Variants in AGTPBP1 observed in about 807,000 individuals in gnomAD.
The protein encoded by AGTPBP1 is ATP/GTP binding carboxypeptidase 1, also known as cytosolic carboxypeptidase 1.
In AGTPBP1, 70 loss-of-function variants were observed where a neutral mutation model predicts 143.9. That is an observed-to-expected ratio of 0.49 (90% CI 0.40 to 0.59). The LOEUF (loss-of-function observed/expected upper bound fraction) is 0.59, where lower values mean the gene tolerates loss of function less well. Ranked by LOEUF, AGTPBP1 falls within the 20% of genes least tolerant of loss-of-function variation. The probability of loss-of-function intolerance (pLI) is 0.00; values close to 1 mark genes in which losing one functional copy is unlikely to be tolerated. For missense variants in AGTPBP1, 1,229 were observed against 1,464.5 expected (o/e 0.84, Z 2.62); for synonymous variants, 463 against 500.2 (o/e 0.93, Z 0.99).
intron 6 of AGTPBP1, among the ~76,000 whole-genome samples, chr9:85,674,874 T>C (rs1248706911): frequency 1.3e-5 from 2 of 152,164 alleles, no homozygotes; most frequent in African/African-American, 2.4e-5. Flanking sequence ...AAAACTCACA[T>C]GTATGCCACA....
chr9:85,592,935 T>C (rs915905135), intron 18 of AGTPBP1, among the ~76,000 whole-genome samples: 2 of 152,196 alleles, frequency 1.3e-5, no homozygotes, highest in Non-Finnish European at 2.9e-5. Context: ...AATGAGCTAA[T>C]ACTCTTCACG....
At chr9:85,610,645 C>CA (rs796771409) in intron 17 of AGTPBP1, among the ~76,000 whole-genome samples, 45 of 148,720 alleles carry the variant, frequency 3.0e-4, no homozygotes, top group South Asian at 1.9e-3. Flanking sequence ...ACGCCCCAAT[C>CA]AAAAAAAAAA....
chr9:85,634,689 T>C (rs1831919916), intron 13 of AGTPBP1, among the ~76,000 whole-genome samples: 1 of 152,190 alleles, frequency 6.6e-6, no homozygotes, highest in East Asian at 1.9e-4. Context: ...AGGTGTATAT[T>C]GAAGTCATTT....
intron 14 of AGTPBP1, among the ~76,000 whole-genome samples, chr9:85,624,822 T>A (rs1472933362): frequency 1.3e-5 from 2 of 152,240 alleles, no homozygotes; most frequent in East Asian, 3.8e-4. Flanking sequence ...TTTATTACTT[T>A]TCTTCCAGAT....
At chr9:85,693,835 A>T (rs1219982280) in intron 2 of AGTPBP1, among the ~76,000 whole-genome samples, 1 of 152,168 alleles carries the variant, frequency 6.6e-6, no homozygotes, top group Non-Finnish European at 1.5e-5. Context: ...CAGCATGGTC[A>T]GAGAAGACCA....
chr9:85,786,638 T>C, the AGTPBP1 span: 1 of 1,454,556 alleles, frequency 6.9e-7, no homozygotes, highest in Non-Finnish European at 9.2e-7. Flanking sequence ...TCTAACCTGT[T>C]AAAAACTAAA....
chr9:85,583,588 A>C (rs896509988), intron 23 of AGTPBP1, among the ~76,000 whole-genome samples: 3 of 152,170 alleles, frequency 2.0e-5, no homozygotes, highest in Non-Finnish European at 4.4e-5. Flanking sequence ...AATTCAAAAA[A>C]TTAATCAAAT....
intron 11 of AGTPBP1, 129 bp from the exon 12 acceptor site, chr9:85,646,547 AACAT>A: frequency 1.5e-6 from 1 of 685,036 alleles, no homozygotes; most frequent in Non-Finnish European, 2.5e-6. Flanking sequence ...TTTCTTATTT[AACAT>A]CTCTCTAAGG....
chr9:85,573,777 G>C, intron 25 of AGTPBP1, among the ~76,000 whole-genome samples: 1 of 151,294 alleles, frequency 6.6e-6, no homozygotes, highest in South Asian at 2.1e-4. Context: ...GATGTGAGGA[G>C]CGCCTCTGCC....
intron 2 of AGTPBP1, among the ~76,000 whole-genome samples, chr9:85,706,193 A>G (rs545097990): frequency 6.6e-6 from 1 of 152,142 alleles, no homozygotes; most frequent in African/African-American, 2.4e-5. Flanking sequence ...AAAAGGAGGA[A>G]GAAGAGAATA....
intron 24 of AGTPBP1, among the ~76,000 whole-genome samples, chr9:85,575,875 T>C (rs1320121787): frequency 6.6e-6 from 1 of 152,186 alleles, no homozygotes; most frequent in African/African-American, 2.4e-5. Context: ...AGTATTAAAA[T>C]CAAGGCTCCA....
chr9:85,585,567 G>A lies in AGTPBP1; in HGVS notation c.3061C>T (p.Arg1021Ter). 1.2e-6 allele frequency: 2 copies of A among 1,605,580 alleles called. No individual in the cohort carries two copies. Among genetic ancestry groups the A allele is most frequent in the Non-Finnish European group, 1.7e-6 (2 of 1,176,066 alleles). The change falls in exon 23 of 26, where the codon CGA (arginine) becomes TGA (stop). Residue 1021 changes from arginine to a stop codon, truncating the protein, a stop_gained. Transcript: ENST00000357081. LOFTEE classifies it high-confidence loss of function. ...LVYCDYHGHSRKKNVFMYGCS... is the reference protein window; with the variant it reads ...LVYCDYHGHS ...CCATACATAAATACATTCTTCTTTC[G>A]GGAATGGCCATGATAATCACAATAA...
chr9:85,656,734 T>C (rs1225815863), intron 10 of AGTPBP1, among the ~76,000 whole-genome samples: 1 of 152,142 alleles, frequency 6.6e-6, no homozygotes, highest in Non-Finnish European at 1.5e-5. Context: ...CTGGCAGATA[T>C]AGCATTCCCA....
chr9:85,742,706 G>A (rs974708094), upstream of AGTPBP1, among the ~76,000 whole-genome samples: 1 of 152,220 alleles, frequency 6.6e-6, no homozygotes, highest in African/African-American at 2.4e-5. Context: ...TTTTATCTGA[G>A]CCAAAGTAAT....
At chr9:85,590,349 T>A (rs1587693185) in intron 19 of AGTPBP1, among the ~76,000 whole-genome samples, 2 of 152,160 alleles carry the variant, frequency 1.3e-5, no homozygotes, top group African/African-American at 4.8e-5. Context: ...AATTTATACA[T>A]ACACATAAAC....
chr9:85,729,123 G>A (rs866016862), intron 1 of AGTPBP1, among the ~76,000 whole-genome samples: 3 of 152,234 alleles, frequency 2.0e-5, no homozygotes, highest in Middle Eastern at 3.4e-3. Flanking sequence ...ATCGATTTTT[G>A]ACATGCATGT....
chr9:85,623,298 G>T (rs1489210083), intron 14 of AGTPBP1, among the ~76,000 whole-genome samples: 1 of 151,688 alleles, frequency 6.6e-6, no homozygotes, highest in Non-Finnish European at 1.5e-5. Context: ...AAAAAAAAAT[G>T]CCACTCTGCA....
chr9:85,746,113 T>C (rs911739953), upstream of AGTPBP1, among the ~76,000 whole-genome samples: 1 of 152,054 alleles, frequency 6.6e-6, no homozygotes, highest in African/African-American at 2.4e-5. Context: ...AGCCTTCCTT[T>C]TCCCCCTGCC....
At chr9:85,588,950 T>C (rs369260186) in intron 20 of AGTPBP1, among the ~76,000 whole-genome samples, 8 of 152,156 alleles carry the variant, frequency 5.3e-5, no homozygotes, top group African/African-American at 1.9e-4. Flanking sequence ...AATTTCACTA[T>C]ACATTTAGAT....
Sources: gnomAD v4.1 joint callset for allele counts (sites outside exome capture counted in the v4.1 genomes callset) on GRCh38, gnomAD v4.1.1 for gene constraint, MANE v1.5 for transcripts, NCBI Gene and HGNC (gene_info 2026-07-23, HGNC 2026-07-21) for gene names.